Variants in ADGRV1 observed in about 807,000 individuals in gnomAD.
ADGRV1 encodes G-protein coupled receptor 98.
ADGRV1 carries 359 observed loss-of-function variants against 596.2 expected under a neutral mutation model. The ratio of observed to expected loss-of-function variants is 0.60; its 90% CI spans 0.55 to 0.66. ADGRV1 has a LOEUF of 0.66. Ranked by LOEUF, ADGRV1 falls within the 30% of genes least tolerant of loss-of-function variation. The probability of loss-of-function intolerance (pLI) is 0.00; values close to 1 mark genes in which losing one functional copy is unlikely to be tolerated. For synonymous variants in ADGRV1, 2,681 were observed against 2,679.2 expected (o/e 1.00, Z -0.02); for missense variants, 7,274 against 7,575.6 (o/e 0.96, Z 1.48).
chr5:90,679,497 C>A, intron 25 of ADGRV1, 52 bp from the exon 26 acceptor site: 2 of 1,314,750 alleles, frequency 1.5e-6, no homozygotes, highest in Non-Finnish European at 2.2e-6. Context: ...TCAATTTTCT[C>A]ATTGTGTCAA....
intron 82 of ADGRV1, 35 bp downstream of exon 82, chr5:90,855,936 A>G (rs918032266): frequency 4.6e-6 from 7 of 1,518,334 alleles, no homozygotes; most frequent in Non-Finnish European, 6.4e-6. Flanking sequence ...ATGGTTATAA[A>G]TATTTATGAA....
rs181247079 is a variant in ADGRV1 at position 90,807,460 on chromosome 5, A to G, written c.14837-142A>G. On this transcript the variant is annotated intron_variant, in intron 72 of 89. Transcript: ENST00000405460. ...CTCCTGTAAGTTTACCTCTCCCCCG[A>G]CCCCTTTTTAAAAATGTTTTACCTT... is the stretch of plus-strand genomic sequence containing the variant. 29 of 737,588 alleles carry G rather than the reference A, an allele frequency of 3.9e-5. No individual in the cohort carries two copies. The Admixed American group carries it at 5.9e-4, about 15-fold the overall frequency. The allele number at this position is 737,588 out of a possible 1,614,324, so 45.7% of individuals were successfully genotyped here. A position where few individuals can be genotyped will look rare whatever the true frequency, so the allele number is the denominator to read the frequency against.
chr5:90,589,695 G>A (rs1483340163), intron 1 of ADGRV1, among the ~76,000 whole-genome samples: 2 of 152,172 alleles, frequency 1.3e-5, no homozygotes, highest in East Asian at 3.9e-4. Flanking sequence ...TTAAGCCCTG[G>A]GTGTTTATAC....
chr5:91,092,617 T>C (rs1329364564), intron 86 of ADGRV1: 18 of 152,202 alleles, frequency 1.2e-4, no homozygotes. Context: ...TGTGATACTT[T>C]AGAACTTCAA....
chr5:91,159,870 T>A (rs1034584453), intron 89 of ADGRV1, among the ~76,000 whole-genome samples: 1 of 152,226 alleles, frequency 6.6e-6, no homozygotes, highest in African/African-American at 2.4e-5. Context: ...TGGAAAGGAA[T>A]GTCTCCATTT....
chr5:90,912,686 T>C (rs921367866), intron 83 of ADGRV1, among the ~76,000 whole-genome samples: 9 of 152,168 alleles, frequency 5.9e-5, no homozygotes, highest in Non-Finnish European at 1.5e-5. Flanking sequence ...TTTCTGTTCA[T>C]GTGTTAATTT....
intron 29 of ADGRV1, among the ~76,000 whole-genome samples, 174 bp downstream of exon 29, chr5:90,686,169 G>T (rs1020579496): frequency 3.3e-4 from 49 of 149,810 alleles, no homozygotes; most frequent in Non-Finnish European, 6.5e-4. Flanking sequence ...TTTTGGGGGG[G>T]GGGATGGAGT....
At chr5:91,016,017 T>C (rs192132757) in intron 85 of ADGRV1, among the ~76,000 whole-genome samples, 1 of 152,064 alleles carries the variant, frequency 6.6e-6, no homozygotes, top group Admixed American at 6.6e-5. Context: ...TCTTTCTCTA[T>C]TTAGTGCTCC....
chr5:91,054,170 C>G (rs188005290), intron 85 of ADGRV1, among the ~76,000 whole-genome samples: 1 of 149,064 alleles, frequency 6.7e-6, no homozygotes, highest in Admixed American at 6.7e-5. Flanking sequence ...GAGAGCAAAC[C>G]GGGATGAATG....
chr5:90,679,058 C>G (rs1450060178), intron 25 of ADGRV1, among the ~76,000 whole-genome samples: 1 of 151,926 alleles, frequency 6.6e-6, no homozygotes, highest in Admixed American at 6.6e-5. Context: ...AGAGGGTGAT[C>G]AAGTTTGAGA....
chr5:90,614,772 T>C, intron 1 of ADGRV1, 63 bp from the exon 2 acceptor site: 1 of 1,179,612 alleles, frequency 8.5e-7, no homozygotes, highest in East Asian at 2.6e-5. Context: ...CTATAGACAA[T>C]ACAATCTAAT....
rs780496288 is a variant in ADGRV1, at chr5:90,863,784, T to C, written c.17783T>C (p.Ile5928Thr). 10 of 1,613,504 alleles carry C rather than the reference T, an allele frequency of 6.2e-6. No individual in the cohort carries two copies. In the Admixed American group the frequency reaches 8.3e-5, roughly 13 times the overall value. The part of the protein sequence containing the change: ...SGLCLAVLSH[I>T]FCARYSMFAA... ...CTTTGCTTGGCTGTTCTTTCCCATA[T>C]CTTCTGTGCCAGGTACTCCATGTTT... is the stretch of plus-strand genomic sequence containing the variant. Residue 5928 changes from isoleucine to threonine, a missense_variant, in exon 83 of 90, where the codon ATC (isoleucine) becomes ACC (threonine). Transcript: ENST00000405460.
chr5:90,881,699 G>A (rs75449780), intron 83 of ADGRV1, among the ~76,000 whole-genome samples: 2,448 of 151,918 alleles, frequency 0.016, 68 homozygotes, highest in African/African-American at 0.056. Context: ...TTAGAGATTC[G>A]AAAGAAGAGA....
chr5:90,594,956 A>G (rs1760072882), intron 1 of ADGRV1, among the ~76,000 whole-genome samples: 1 of 148,286 alleles, frequency 6.7e-6, no homozygotes, highest in Non-Finnish European at 1.5e-5. Context: ...CTATTCCACA[A>G]AGCCGCCATT....
chr5:90,686,153 CTTTT>C (rs61571031), intron 29 of ADGRV1, among the ~76,000 whole-genome samples, 158 bp downstream of exon 29: 1 of 142,110 alleles, frequency 7.0e-6, no homozygotes, highest in Non-Finnish European at 1.5e-5. Context: ...AATCTAGAGT[CTTTT>C]TTTTTGGGGG....
intron 85 of ADGRV1, among the ~76,000 whole-genome samples, chr5:91,029,489 A>G (rs1049050876): frequency 2.0e-5 from 3 of 152,332 alleles, no homozygotes; most frequent in Non-Finnish European, 4.4e-5. Context: ...ACATGTAACT[A>G]GAAATGAAAT....
At chr5:91,041,687 T>C (rs1408627423) in intron 85 of ADGRV1, among the ~76,000 whole-genome samples, 1 of 151,694 alleles carries the variant, frequency 6.6e-6, no homozygotes, top group Admixed American at 6.6e-5. Context: ...AAATAACCTC[T>C]TTATGGCAGA....
chr5:90,559,566 G>T (rs1171512387), intron 1 of ADGRV1, among the ~76,000 whole-genome samples: 1 of 152,028 alleles, frequency 6.6e-6, no homozygotes. Context: ...GTGTTCGTCA[G>T]GGGAAAATTG....
At chr5:90,951,119 G>T (rs1777028277) in intron 83 of ADGRV1, among the ~76,000 whole-genome samples, 1 of 152,134 alleles carries the variant, frequency 6.6e-6, no homozygotes, top group South Asian at 2.1e-4. Context: ...CATCTAGATG[G>T]TCCTCTCTTT....
Sources: allele counts gnomAD v4.1 joint callset (sites outside exome capture counted in the v4.1 genomes callset), GRCh38; gene constraint gnomAD v4.1.1; transcripts MANE v1.5; gene names NCBI Gene and HGNC (gene_info 2026-07-23, HGNC 2026-07-21).